Variants in HECTD4 observed in about 807,000 individuals in gnomAD.
HECTD4 encodes probable E3 ubiquitin-protein ligase HECTD4.
HECTD4 carries 114 observed loss-of-function variants against 471.5 expected under a neutral mutation model. The ratio of observed to expected loss-of-function variants is 0.24; its 90% confidence interval spans 0.21 to 0.28. The LOEUF is 0.28. HECTD4 is among the 10% of genes least tolerant of loss of function. The pLI, the probability that HECTD4 is intolerant of heterozygous loss-of-function variation, is 1.00. For synonymous variants in HECTD4, 2,012 were observed against 2,256.0 expected (o/e 0.89, Z 3.07); for missense variants, 3,866 against 5,651.5 (o/e 0.68, Z 10.13).
chr12:112,356,869 A>T (rs1303918733), intron 1 of HECTD4, among the ~76,000 whole-genome samples: 1 of 152,198 alleles, frequency 6.6e-6, no homozygotes, highest in African/African-American at 2.4e-5. Flanking sequence ...AGAATTATAA[A>T]AAGTTCCTTC....
intron 1 of HECTD4, among the ~76,000 whole-genome samples, chr12:112,328,137 T>C (rs1417306443): frequency 6.6e-6 from 1 of 151,528 alleles, no homozygotes; most frequent in Non-Finnish European, 1.5e-5. Context: ...TATTTATTTA[T>C]TTATTTATTT....
chr12:112,368,561 A>T (rs964975623), intron 1 of HECTD4, among the ~76,000 whole-genome samples: 1 of 152,234 alleles, frequency 6.6e-6, no homozygotes, highest in Non-Finnish European at 1.5e-5. Flanking sequence ...ACAAATTACT[A>T]TGCAGACATT....
intron 1 of HECTD4, among the ~76,000 whole-genome samples, chr12:112,345,552 TG>T (rs1032747675): frequency 5.9e-5 from 9 of 152,178 alleles, no homozygotes; most frequent in Admixed American, 6.5e-5. Context: ...CATGAAATAA[TG>T]AGGTTCGAGT....
chr12:112,238,541 A>C (rs2033567077), intron 34 of HECTD4, among the ~76,000 whole-genome samples: 1 of 152,124 alleles, frequency 6.6e-6, no homozygotes, highest in South Asian at 2.1e-4. Context: ...GCAACATAGT[A>C]AGATCCTGTC....
intron 69 of HECTD4, 34 bp from the exon 70 acceptor site, chr12:112,169,692 G>A (rs376654139): frequency 3.0e-4 from 479 of 1,609,842 alleles, no homozygotes; most frequent in Admixed American, 2.5e-4. Context: ...AAAGCACCCC[G>A]CCGTGGCCGC....
chr12:112,272,387 C>T (rs796323906), intron 11 of HECTD4, among the ~76,000 whole-genome samples: 1 of 152,122 alleles, frequency 6.6e-6, no homozygotes, highest in Non-Finnish European at 1.5e-5. Context: ...TCTTTTTCAG[C>T]CTGGCTTCCT....
At chr12:112,250,894 G>A in intron 24 of HECTD4, 77 bp downstream of exon 24, 2 of 1,407,714 alleles carry the variant, frequency 1.4e-6, no homozygotes, top group South Asian at 1.5e-5. Flanking sequence ...CCTGGGAAAT[G>A]TACCAAAAGG....
chr12:112,324,015 TTCCTTCCTTCCTTCCTTCCTTC>T (rs2035666577), intron 1 of HECTD4, among the ~76,000 whole-genome samples: 1 of 47,686 alleles, frequency 2.1e-5, no homozygotes, highest in African/African-American at 2.3e-4. Context: ...CCTTCCTTCC[TTCCTTCCTTCCTTCCTTCCTTC>T]CTTCCTTCCT....
chr12:112,246,114 A>C (rs1174995559), intron 29 of HECTD4, among the ~76,000 whole-genome samples: 3 of 151,950 alleles, frequency 2.0e-5, no homozygotes, highest in African/African-American at 7.3e-5. Context: ...CCTGGACAAC[A>C]GAATGAGACT....
intron 23 of HECTD4, 62 bp from the exon 24 acceptor site, chr12:112,251,196 T>C: frequency 6.5e-7 from 1 of 1,532,792 alleles, no homozygotes; most frequent in Non-Finnish European, 8.9e-7. Context: ...CTGCTACCTG[T>C]GCTGCCCCAC....
intron 70 of HECTD4, among the ~76,000 whole-genome samples, chr12:112,169,261 C>T (rs1035182396): frequency 1.3e-5 from 2 of 152,206 alleles, no homozygotes; most frequent in Non-Finnish European, 2.9e-5. Flanking sequence ...CAATCAGCAC[C>T]GAGGAGGGCC....
chr12:112,266,916 T>C lies in HECTD4; in HGVS notation c.2388A>G (p.Thr796=), dbSNP rs770432247. ...TAATTAAAGGATAATTCTTACCTTC[T>C]GTTAAGACCAGTTTAAGTAAGTTAT... ...EINNLLKLVL[T]EGERNSGLSQ... is the part of the protein sequence containing the mutation. Residue 796 remains threonine, a synonymous_variant, in exon 14 of 76, where the codon ACA becomes ACG. Transcript: ENST00000682272. 2.4e-5 allele frequency: 35 copies of C among 1,454,102 alleles called. No homozygotes were observed. Among genetic ancestry groups the C allele is most frequent in the Non-Finnish European group, 3.1e-5 (33 of 1,057,210 alleles). 90.1% of individuals were successfully genotyped at this position (1,454,102 alleles called of 1,614,324 possible). A position where few individuals can be genotyped will look rare whatever the true frequency, so the allele number is the denominator to read the frequency against.
intron 44 of HECTD4, among the ~76,000 whole-genome samples, chr12:112,224,858 G>A (rs1313248479): frequency 1.3e-5 from 2 of 152,130 alleles, no homozygotes; most frequent in Non-Finnish European, 2.9e-5. Context: ...AGGATACCCA[G>A]AAACAGTCCC....
At chr12:112,209,817 GA>G (rs2032708474) in intron 50 of HECTD4, among the ~76,000 whole-genome samples, 197 bp downstream of exon 50, 1 of 152,216 alleles carries the variant, frequency 6.6e-6, no homozygotes, top group South Asian at 2.1e-4. Context: ...TGGAAATGGG[GA>G]TGAACTTTCT....
rs1293014213 is a variant in HECTD4 at position 112,190,857 on chromosome 12, C to T, written c.9401G>A (p.Ser3134Asn). 1 of 1,583,984 alleles carries T rather than the reference C, an allele frequency of 6.3e-7. No homozygotes were observed. Among genetic ancestry groups the T allele is most frequent in the Non-Finnish European group, 8.6e-7 (1 of 1,165,178 alleles). ...EQLLSWKSED[S>N]EGKSEDEPDT... ...AGGCTCATCTTCGGACTTCCCTTCA[C>T]TGTCCTCTGATTTCCAGGACAGCAG... Residue 3134 changes from serine to asparagine, a missense_variant, in exon 60 of 76, where the codon AGT (serine) becomes AAT (asparagine). Coordinates refer to ENST00000682272, the MANE Select transcript of HECTD4 (RefSeq NM_001388303.1).
intron 66 of HECTD4, among the ~76,000 whole-genome samples, chr12:112,174,386 C>T (rs1229619961): frequency 6.6e-6 from 1 of 151,682 alleles, no homozygotes; most frequent in Non-Finnish European, 1.5e-5. Flanking sequence ...CTGCCTCAGC[C>T]TCCTGAGTAG....
At chr12:112,327,062 T>C (rs1209775717) in intron 1 of HECTD4, among the ~76,000 whole-genome samples, 1 of 152,174 alleles carries the variant, frequency 6.6e-6, no homozygotes, top group Non-Finnish European at 1.5e-5. Flanking sequence ...GCGCGGTGGC[T>C]CACGCCTGTA....
chr12:112,208,893 CTTTTTTTTTTTTTTT>C (rs756330403), intron 50 of HECTD4, among the ~76,000 whole-genome samples: 1 of 72,458 alleles, frequency 1.4e-5, no homozygotes, highest in Admixed American at 1.8e-4. Flanking sequence ...ACTAAACAGG[CTTTTTTTTTTTTTTT>C]TTTTTTTTTT....
intron 48 of HECTD4, among the ~76,000 whole-genome samples, chr12:112,212,977 G>A (rs1371820873): frequency 6.6e-6 from 1 of 152,088 alleles, no homozygotes; most frequent in African/African-American, 2.4e-5. Context: ...TGTATTTTTA[G>A]TAGAGACAGG....
Sources: allele counts gnomAD v4.1 joint callset (sites outside exome capture counted in the v4.1 genomes callset), GRCh38; gene constraint gnomAD v4.1.1; transcripts MANE v1.5; gene names NCBI Gene and HGNC (gene_info 2026-07-23, HGNC 2026-07-21).